Variants in CDK6 observed in about 807,000 individuals in gnomAD.
CDK6 encodes the protein cyclin dependent kinase 6.
Under a neutral mutation model 37.1 loss-of-function variants are expected in CDK6, and 6 were observed. That is an observed-to-expected ratio of 0.16 (90% CI 0.09 to 0.32). The LOEUF is 0.32. Among genes scored for constraint, CDK6 ranks in the 10% least tolerant of loss-of-function variants. The pLI is 1.00. For missense variants in CDK6, 224 were observed against 418.9 expected, an observed-to-expected ratio of 0.53 and a Z score of 4.06; for synonymous variants, 160 against 161.3, an observed-to-expected ratio of 0.99 and a Z score of 0.06.
intron 4 of CDK6, among the ~76,000 whole-genome samples, chr7:92,702,011 G>T (rs1797859998): frequency 6.6e-6 from 1 of 152,068 alleles, no homozygotes; most frequent in African/African-American, 2.4e-5. Flanking sequence ...GTTGATCAAA[G>T]ATTATTTTTA....
chr7:92,710,949 G>T (rs546303347), intron 4 of CDK6: 1 of 742,692 alleles, frequency 1.3e-6, no homozygotes, highest in Non-Finnish European at 1.6e-6. Context: ...AGCAGAAAGC[G>T]CCAGCAAAGG....
intron 5 of CDK6, among the ~76,000 whole-genome samples, chr7:92,650,618 C>T (rs911017087): frequency 6.6e-6 from 1 of 152,146 alleles, no homozygotes; most frequent in Non-Finnish European, 1.5e-5. Context: ...ATCAAGGTGT[C>T]GGCAGAGCTG....
At position 92,715,124 on chromosome 7, in the gene CDK6, C is replaced by T. The variant is rs528592167; in HGVS notation, c.537+10502G>A. Among the ~76,000 whole-genome samples, 15 of 152,086 alleles carry T rather than the reference C, an allele frequency of 9.9e-5. 1 individual carries two copies. The highest frequency in any genetic ancestry group is 1.3e-4 in the Non-Finnish European group (9 of 68,008). ...CAGCCATGTATTTATAAAACACTTC[C>T]GTACATTTCAAAGCATTGGTAACAT... On this transcript the variant is annotated intron_variant, in intron 4 of 7. Coordinates refer to ENST00000424848, the MANE Select transcript of CDK6 (RefSeq NM_001145306.2).
At chr7:92,628,692 C>A (rs1031504909) in intron 5 of CDK6, among the ~76,000 whole-genome samples, 2 of 152,070 alleles carry the variant, frequency 1.3e-5, no homozygotes, top group Non-Finnish European at 2.9e-5. Flanking sequence ...TGTATACACA[C>A]CAAGAGCCAA....
In CDK6 at chr7:92,691,996, G is replaced by A. The variant is rs370861412; in HGVS notation, c.538-20461C>T. 1.3e-3 allele frequency among the ~76,000 whole-genome samples: 201 copies of A among 152,262 alleles called. 1 individual carries two copies. The highest frequency in any genetic ancestry group is 4.3e-3 in the African/African-American group (180 of 41,554). ...TATGAAAGCCCTGTAGGCTGGGCGCGGTGGCTCACGCTGGTAATCCCAGCA... is the reference window on the plus strand; with the variant it reads ...TATGAAAGCCCTGTAGGCTGGGCGCAGTGGCTCACGCTGGTAATCCCAGCA... On this transcript the variant is annotated intron_variant, in intron 4 of 7. Coordinates refer to ENST00000424848, the MANE Select transcript of CDK6 (RefSeq NM_001145306.2).
intron 2 of CDK6, among the ~76,000 whole-genome samples, chr7:92,800,599 A>G (rs1800545497): frequency 6.6e-6 from 1 of 152,182 alleles, no homozygotes; most frequent in Non-Finnish European, 1.5e-5. Context: ...GGAATACACA[A>G]TCTGACCCAC....
intron 2 of CDK6, among the ~76,000 whole-genome samples, chr7:92,787,329 A>C (rs887780609): frequency 6.6e-6 from 1 of 152,088 alleles, no homozygotes; most frequent in Non-Finnish European, 1.5e-5. Flanking sequence ...TTATTTAAAA[A>C]ATAAGAATCA....
At chr7:92,617,924 G>A (rs1462468535) in intron 7 of CDK6, 148 bp downstream of exon 7, 2 of 638,322 alleles carry the variant, frequency 3.1e-6, no homozygotes, top group Admixed American at 7.0e-5. Context: ...GAAACCTCTG[G>A]AGGGACTGTT....
chr7:92,829,109 T>C (rs969018127), intron 2 of CDK6, among the ~76,000 whole-genome samples: 17 of 152,154 alleles, frequency 1.1e-4, no homozygotes, highest in Non-Finnish European at 2.2e-4. Flanking sequence ...TCATGTTTCT[T>C]TTACCCTGTT....
intron 2 of CDK6, among the ~76,000 whole-genome samples, chr7:92,805,282 GC>G (rs1278042902): frequency 3.9e-5 from 6 of 152,152 alleles, no homozygotes; most frequent in Non-Finnish European, 8.8e-5. Context: ...AAGAGATGCT[GC>G]TTTGGGGGTT....
intron 2 of CDK6, among the ~76,000 whole-genome samples, chr7:92,824,976 C>G (rs959730407): frequency 1.3e-5 from 2 of 152,076 alleles, no homozygotes; most frequent in African/African-American, 4.8e-5. Flanking sequence ...AGCCCACAAG[C>G]AGGAACATTT....
At chr7:92,798,358 T>C (rs1421357336) in intron 2 of CDK6, among the ~76,000 whole-genome samples, 2 of 152,236 alleles carry the variant, frequency 1.3e-5, no homozygotes, top group Non-Finnish European at 1.5e-5. Flanking sequence ...GATGATCTAA[T>C]GAAATTACTT....
chr7:92,727,772 A>G (rs1418955004), intron 3 of CDK6, among the ~76,000 whole-genome samples: 1 of 152,174 alleles, frequency 6.6e-6, no homozygotes, highest in South Asian at 2.1e-4. Flanking sequence ...AGAAGACTGC[A>G]TTGGGGAGGA....
intron 2 of CDK6, among the ~76,000 whole-genome samples, chr7:92,795,870 G>A (rs1220966002): frequency 1.3e-5 from 2 of 152,056 alleles, no homozygotes; most frequent in East Asian, 1.9e-4. Context: ...AGCCTATTAA[G>A]TACATCTCTG....
At chr7:92,652,168 G>A (rs1430659109) in intron 5 of CDK6, among the ~76,000 whole-genome samples, 1 of 152,150 alleles carries the variant, frequency 6.6e-6, no homozygotes, top group Non-Finnish European at 1.5e-5. Flanking sequence ...GTAGAGAAAT[G>A]CATGTTAAGA....
chr7:92,763,227 A>G (rs369232469), intron 3 of CDK6, among the ~76,000 whole-genome samples: 12 of 152,236 alleles, frequency 7.9e-5, no homozygotes, highest in African/African-American at 2.4e-4. Flanking sequence ...CTTTCAATAT[A>G]TGAGCCTCAG....
chr7:92,689,818 T>C (rs1797560064), intron 4 of CDK6, among the ~76,000 whole-genome samples: 1 of 152,162 alleles, frequency 6.6e-6, no homozygotes, highest in Non-Finnish European at 1.5e-5. Flanking sequence ...TTTTTAATAA[T>C]AGCAATCTGA....
At chr7:92,802,940 T>C (rs950906539) in intron 2 of CDK6, among the ~76,000 whole-genome samples, 3 of 152,192 alleles carry the variant, frequency 2.0e-5, no homozygotes, top group Non-Finnish European at 2.9e-5. Flanking sequence ...AAATGTCCCC[T>C]AGGAGCAAAA....
intron 3 of CDK6, among the ~76,000 whole-genome samples, chr7:92,728,015 A>C (rs1467940822): frequency 6.6e-6 from 1 of 152,208 alleles, no homozygotes; most frequent in Admixed American, 6.5e-5. Flanking sequence ...CACTCATTTA[A>C]AACAGTATAA....
Sources: gnomAD v4.1 joint callset for allele counts (sites outside exome capture counted in the v4.1 genomes callset) on GRCh38, gnomAD v4.1.1 for gene constraint, MANE v1.5 for transcripts, NCBI Gene and HGNC (gene_info 2026-07-23, HGNC 2026-07-21) for gene names.